Variants in BBOF1 observed in about 807,000 individuals in gnomAD.
BBOF1 encodes the protein basal body orientation factor 1, also known as basal body-orientation factor 1.
Under a neutral mutation model 68.0 loss-of-function variants are expected in BBOF1, and 62 were observed. The ratio of observed to expected loss-of-function variants is 0.91; its 90% CI spans 0.74 to 1.13. The LOEUF is 1.13. Among genes scored for constraint, BBOF1 ranks in the 50% most tolerant of loss-of-function variants. The pLI, the probability that BBOF1 is intolerant of heterozygous loss-of-function variation, is 0.00. For synonymous variants in BBOF1, 208 were observed against 198.8 expected (o/e 1.05, Z -0.39); for missense variants, 534 against 600.1 (o/e 0.89, Z 1.15).
chr14:74,040,509 T>C, intron 4 of BBOF1, 56 bp from the exon 5 acceptor site: 1 of 1,064,132 alleles, frequency 9.4e-7, no homozygotes, highest in Non-Finnish European at 1.4e-6. Context: ...GAGAATGTGC[T>C]CAATGACCCC....
chr14:74,078,299 GAA>G (rs964936809), exon 10 of BBOF1: 22 of 455,000 alleles, frequency 4.8e-5, no homozygotes, highest in Non-Finnish European at 9.3e-5. Flanking sequence ...CTCCATGCAG[GAA>G]AAGTGACCGA....
intron 4 of BBOF1, 104 bp downstream of exon 4, chr14:74,034,275 C>T: frequency 1.4e-6 from 1 of 719,962 alleles, no homozygotes; most frequent in Non-Finnish European, 2.1e-6. Context: ...AAAGAACTCT[C>T]TTTGACATTT....
intron 6 of BBOF1, 84 bp from the exon 7 acceptor site, chr14:74,047,846 G>A: frequency 1.7e-6 from 2 of 1,189,152 alleles, no homozygotes; most frequent in South Asian, 3.2e-5. Flanking sequence ...AATATTGGGG[G>A]TGCAGGTGGT....
chr14:74,056,904 A>G lies in BBOF1; in HGVS notation c.1389-2A>G, dbSNP rs1340364106. The G allele has an allele frequency of 2.5e-6, 4 of 1,609,684 alleles. No individual in the cohort carries two copies. Among genetic ancestry groups the G allele is most frequent in the Non-Finnish European group, 1.7e-6 (2 of 1,176,178 alleles). On this transcript the variant is annotated splice_acceptor_variant, in intron 9 of 11. Transcript: ENST00000394009. LOFTEE classifies it high-confidence loss of function. ...ATCTTTGTTGACTTTTACCCACTAC[A>G]GGAAATACAACCAGAGTTCTAGGCC...
intron 3 of BBOF1, among the ~76,000 whole-genome samples, chr14:74,031,370 C>T (rs548206955): frequency 1.3e-5 from 2 of 152,268 alleles, no homozygotes; most frequent in South Asian, 4.1e-4. Context: ...AGCTTGGCCT[C>T]CCAAAGTGTT....
At chr14:74,029,392 A>C in intron 3 of BBOF1, 143 bp downstream of exon 3, 1 of 548,060 alleles carries the variant, frequency 1.8e-6, no homozygotes. Context: ...ATAGAAATTC[A>C]AAAAACCAGG....
Position 74,049,894 on chromosome 14 carries a change from G to C in BBOF1, c.985G>C (p.Asp329His). The C allele has an allele frequency of 6.2e-7, 1 of 1,614,116 alleles. No homozygotes were observed. Among genetic ancestry groups the C allele is most frequent in the Non-Finnish European group, 8.5e-7 (1 of 1,180,024 alleles). The change falls in exon 8 of 12, where the codon GAC becomes CAC. Residue 329 changes from aspartate (D) to histidine (H), a missense_variant. Transcript: ENST00000394009. ...GAACCAAGCAGGTCAGGTAGAAATT[G>C]ACAAGCTGCAGCACCTTCTTCAGAT... The part of the protein sequence containing the change: ...IENQAGQVEI[D>H]KLQHLLQMKD...
chr14:74,060,511 G>A, intron 11 of BBOF1: 1 of 764,968 alleles, frequency 1.3e-6, no homozygotes, highest in Non-Finnish European at 2.3e-6. Context: ...GGGGTTAATA[G>A]TCCTGAGGAA....
chr14:74,028,513 AAT>A (rs1242660643), intron 2 of BBOF1, among the ~76,000 whole-genome samples: 3,269 of 72,794 alleles, frequency 0.045, 82 homozygotes, highest in South Asian at 0.19. Flanking sequence ...CACACACACA[AAT>A]AGAGGGAAAG....
chr14:74,059,563 C>T (rs1007119932), intron 11 of BBOF1: 10 of 310,390 alleles, frequency 3.2e-5, no homozygotes, highest in African/African-American at 1.1e-4. Context: ...GGTGTGGTGG[C>T]GCATGCCTGT....
intron 1 of BBOF1, among the ~76,000 whole-genome samples, chr14:74,020,818 G>A (rs57731447): frequency 0.077 from 11,661 of 152,110 alleles, 611 homozygotes; most frequent in South Asian, 0.26. Flanking sequence ...CAAGTACTTC[G>A]AGCCACTCAG....
intron 1 of BBOF1, among the ~76,000 whole-genome samples, chr14:74,022,058 G>C (rs2059314950): frequency 6.6e-6 from 1 of 152,134 alleles, no homozygotes; most frequent in Non-Finnish European, 1.5e-5. Flanking sequence ...TGAGTGAGTA[G>C]GAATAGAAAA....
chr14:74,048,058 T>C lies in BBOF1; in HGVS notation c.776T>C (p.Leu259Ser), dbSNP rs915187491. Residue 259 changes from leucine to serine, a missense_variant, in exon 7 of 12, where the codon TTA becomes TCA. By Grantham distance (145) the Leu-to-Ser change is moderately radical. Coordinates refer to ENST00000394009, the MANE Select transcript of BBOF1 (RefSeq NM_025057.3). ...CAGAAGTTGCAAGAGAGTCATACTT[T>C]ACTTTTACATCAAAAGGTTCCCTCT... ...NSQKLQESHT[L>S]LLHQKEINDL... 1 of 1,610,122 alleles carries C rather than the reference T, an allele frequency of 6.2e-7. No individual in the cohort carries two copies. Among genetic ancestry groups the C allele is most frequent in the Non-Finnish European group, 8.5e-7 (1 of 1,178,962 alleles).
chr14:74,080,368 CTTTT>C (rs35450547), intron 10 of BBOF1, among the ~76,000 whole-genome samples: 2 of 128,988 alleles, frequency 1.6e-5, no homozygotes. Flanking sequence ...TAAACTCTTT[CTTTT>C]TTTTTTTTTT....
At chr14:74,029,150 T>A in intron 2 of BBOF1, 34 bp from the exon 3 acceptor site, 1 of 1,402,364 alleles carries the variant, frequency 7.1e-7, no homozygotes, top group Non-Finnish European at 9.9e-7. Flanking sequence ...GCAGTTTCTT[T>A]ATCTTCATGA....
rs533760077 is a variant in BBOF1 at position 74,059,434 on chromosome 14, G to A, written c.1578+2176G>A. 4.0e-4 allele frequency: 180 copies of A among 454,300 alleles called. No homozygotes were observed. Among genetic ancestry groups the A allele is most frequent in the Non-Finnish European group, 6.9e-4 (156 of 226,204 alleles). 28.1% of individuals were successfully genotyped at this position (454,300 alleles called of 1,614,324 possible). ...CATCTGGCTGGGTGTGGTGGCTCAT[G>A]CCTGTAATCCCAGCACTTTGGGAGG... On this transcript the variant is annotated intron_variant, in intron 11 of 11. Coordinates refer to ENST00000394009, the MANE Select transcript of BBOF1 (RefSeq NM_025057.3).
At chr14:74,041,962 A>G (rs551587118) in intron 5 of BBOF1, among the ~76,000 whole-genome samples, 36 of 152,248 alleles carry the variant, frequency 2.4e-4, no homozygotes, top group Non-Finnish European at 4.3e-4. Flanking sequence ...GCTTGAACCC[A>G]GGAGGCAGTG....
intron 6 of BBOF1, 81 bp from the exon 7 acceptor site, chr14:74,047,849 C>A: frequency 8.1e-7 from 1 of 1,230,686 alleles, no homozygotes. Context: ...ATTGGGGGTG[C>A]AGGTGGTGAA....
intron 9 of BBOF1, among the ~76,000 whole-genome samples, chr14:74,074,402 T>A (rs971290610): frequency 1.3e-5 from 2 of 151,760 alleles, no homozygotes; most frequent in African/African-American, 4.8e-5. Context: ...TTCTCCTGCC[T>A]CAGCCCGCAG....
Sources: allele counts gnomAD v4.1 joint callset (sites outside exome capture counted in the v4.1 genomes callset), GRCh38; gene constraint gnomAD v4.1.1; transcripts MANE v1.5; gene names NCBI Gene and HGNC (gene_info 2026-07-23, HGNC 2026-07-21).